Variants in DDAH1 observed in about 807,000 individuals in gnomAD.
DDAH1 encodes the protein N(G),N(G)-dimethylarginine dimethylaminohydrolase 1.
Under a neutral mutation model 28.8 loss-of-function variants are expected in DDAH1, and 19 were observed. The observed-to-expected ratio is 0.66, with a 90% CI of 0.46 to 0.97. The LOEUF is 0.97. DDAH1 is among the 50% of genes least tolerant of loss of function. The pLI, the probability that DDAH1 is intolerant of heterozygous loss-of-function variation, is 0.00. For missense variants in DDAH1, 326 were observed against 375.9 expected (o/e 0.87, Z 1.10); for synonymous variants, 153 against 154.4 (o/e 0.99, Z 0.07).
At chr1:85,526,814 TC>T (rs1456035746) in intron 1 of DDAH1, among the ~76,000 whole-genome samples, 1 of 147,910 alleles carries the variant, frequency 6.8e-6, no homozygotes, top group Non-Finnish European at 1.5e-5. Context: ...ATATCGATTT[TC>T]CCTGGTCTAA....
intron 2 of DDAH1, among the ~76,000 whole-genome samples, chr1:85,485,151 G>GA (rs1474526625): frequency 2.0e-5 from 3 of 152,242 alleles, no homozygotes; most frequent in East Asian, 3.9e-4. Context: ...GGGTGCCACA[G>GA]AAAATAAGGA....
intron 1 of DDAH1, among the ~76,000 whole-genome samples, chr1:85,388,036 C>T (rs1651365832): frequency 6.6e-6 from 1 of 152,168 alleles, no homozygotes; most frequent in Non-Finnish European, 1.5e-5. Flanking sequence ...ACTCATTACT[C>T]TGAGGATGGC....
At chr1:85,473,590 T>G (rs893567516) in intron 2 of DDAH1, among the ~76,000 whole-genome samples, 4 of 152,168 alleles carry the variant, frequency 2.6e-5, no homozygotes, top group Admixed American at 2.6e-4. Flanking sequence ...AATGCCAGTT[T>G]CGCAATGCCA....
intron 1 of DDAH1, among the ~76,000 whole-genome samples, chr1:85,440,902 C>G (rs1331735398): frequency 3.3e-5 from 5 of 150,500 alleles, no homozygotes; most frequent in Non-Finnish European, 5.9e-5. Flanking sequence ...CAACAAAAAG[C>G]AGGATTGGAA....
At chr1:85,511,697 A>G (rs1232515358) in intron 1 of DDAH1, among the ~76,000 whole-genome samples, 1 of 152,230 alleles carries the variant, frequency 6.6e-6, no homozygotes, top group Admixed American at 6.5e-5. Flanking sequence ...AATACAAACT[A>G]CCATCAGAAA....
rs1557686884 is a variant in DDAH1, at chr1:85,491,043, A to ACTCTTTTTTTTTTTTTTTTTTTTT, written c.-7+5122_-7+5123insAAAAAAAAAAAAAAAAAAAAAGAG. 1.3e-4 allele frequency among the ~76,000 whole-genome samples: 10 copies of ACTCTTTTTTTTTTTTTTTTTTTTT among 79,340 alleles called. 5 individuals are homozygous for ACTCTTTTTTTTTTTTTTTTTTTTT. Among genetic ancestry groups the ACTCTTTTTTTTTTTTTTTTTTTTT allele is most frequent in the Non-Finnish European group, 9.5e-5 (4 of 42,166 alleles). The allele number at this position is 79,340 out of a possible 152,430, so 52.1% of individuals were successfully genotyped here. A position where few individuals can be genotyped will look rare whatever the true frequency, so the allele number is the denominator to read the frequency against. On this transcript the variant is annotated intron_variant, in intron 2 of 6. Transcript: ENST00000426972. ...TCTTCTAATGACAACAGTAACATGT[A>ACTCTTTTTTTTTTTTTTTTTTTTT]TTCTTTTTTTTTTTTTTTTTTTTGA... is the stretch of plus-strand genomic sequence containing the variant.
At chr1:85,481,100 T>TTC (rs1302575274) in intron 2 of DDAH1, among the ~76,000 whole-genome samples, 2 of 139,636 alleles carry the variant, frequency 1.4e-5, no homozygotes, top group African/African-American at 2.8e-5. Context: ...GGTTTTTTGT[T>TTC]TTTTTTTTTT....
chr1:85,568,946 C>T (rs927259490), intron 1 of DDAH1, among the ~76,000 whole-genome samples: 5 of 152,186 alleles, frequency 3.3e-5, no homozygotes, highest in African/African-American at 7.2e-5. Flanking sequence ...TTTATGCAAG[C>T]TCTCCTCTAG....
At chr1:85,555,049 T>G (rs1296374009) in intron 1 of DDAH1, among the ~76,000 whole-genome samples, 1 of 152,230 alleles carries the variant, frequency 6.6e-6, no homozygotes, top group African/African-American at 2.4e-5. Context: ...AGCAGAGCAT[T>G]TTTCAGTAGT....
intron 1 of DDAH1, among the ~76,000 whole-genome samples, chr1:85,415,005 C>CT (rs71727580): frequency 0.074 from 4,244 of 57,632 alleles, 1,232 homozygotes; most frequent in Non-Finnish European, 0.1. Context: ...TCAAGTGTTG[C>CT]TTTTTTTTTT....
intron 4 of DDAH1, among the ~76,000 whole-genome samples, chr1:85,347,006 C>T (rs1222764166): frequency 1.3e-5 from 2 of 151,470 alleles, no homozygotes; most frequent in Admixed American, 1.3e-4. Context: ...CCAACAGACA[C>T]ATGAAAAAAT....
rs1269862775 is a variant in DDAH1 at position 85,433,345 on chromosome 1, A to G, written c.303+31398T>C. Among the ~76,000 whole-genome samples, 4 of 152,230 alleles carry G rather than the reference A, an allele frequency of 2.6e-5. No homozygotes were observed. The East Asian group carries it at 5.8e-4, about 22-fold the overall frequency. ...GCGAGGAGACAGGGCTTTCTTCTCC[A>G]CCTTCGCACATGAAATCTACCTCTC... On this transcript the variant is annotated intron_variant, in intron 1 of 5. Transcript: ENST00000284031.
At chr1:85,424,495 A>G (rs549874147) in intron 1 of DDAH1, among the ~76,000 whole-genome samples, 57 of 152,252 alleles carry the variant, frequency 3.7e-4, no homozygotes, top group Admixed American at 1.2e-3. Flanking sequence ...TCCACACACT[A>G]TATAAGTAAA....
At chr1:85,490,791 G>A (rs1656367160) in intron 2 of DDAH1, among the ~76,000 whole-genome samples, 1 of 152,148 alleles carries the variant, frequency 6.6e-6, no homozygotes, top group African/African-American at 2.4e-5. Context: ...TAAGTCTGTA[G>A]TCTATGAGAT....
intron 4 of DDAH1, among the ~76,000 whole-genome samples, chr1:85,348,468 A>T (rs1570411825): frequency 6.6e-6 from 1 of 151,952 alleles, no homozygotes; most frequent in African/African-American, 2.4e-5. Flanking sequence ...TTCAGATCTC[A>T]CCTGCCCCTT....
intron 1 of DDAH1, among the ~76,000 whole-genome samples, chr1:85,439,885 C>T (rs530581490): frequency 1.3e-4 from 20 of 152,302 alleles, no homozygotes; most frequent in African/African-American, 4.8e-4. Context: ...AGAATTAATT[C>T]ATAATGCTAA....
chr1:85,340,882 T>C (rs1449132226), intron 4 of DDAH1, among the ~76,000 whole-genome samples: 1 of 152,160 alleles, frequency 6.6e-6, no homozygotes, highest in African/African-American at 2.4e-5. Flanking sequence ...TTTCCCTGCA[T>C]CCAGCCCCCA....
chr1:85,457,784 G>A (rs548261048), intron 1 of DDAH1, among the ~76,000 whole-genome samples: 44 of 152,318 alleles, frequency 2.9e-4, no homozygotes, highest in South Asian at 8.3e-4. Context: ...CTGCCTTCTC[G>A]TTTCGAGTGA....
At chr1:85,508,853 A>G (rs989820247) in intron 1 of DDAH1, among the ~76,000 whole-genome samples, 15 of 152,220 alleles carry the variant, frequency 9.9e-5, no homozygotes, top group African/African-American at 3.4e-4. Flanking sequence ...GCAGCTCAAC[A>G]AGGCCTACTG....
Sources: gnomAD v4.1 joint callset for allele counts (sites outside exome capture counted in the v4.1 genomes callset) on GRCh38, gnomAD v4.1.1 for gene constraint, MANE v1.5 for transcripts, NCBI Gene and HGNC (gene_info 2026-07-23, HGNC 2026-07-21) for gene names.